The following SUGP2 variants were observed in gnomAD, a reference collection of about 807,000 sequenced individuals.
SUGP2 encodes the protein SURP and G-patch domain-containing protein 2.
A neutral mutation model predicts 90.5 loss-of-function variants in SUGP2; 24 were observed. That is an observed-to-expected ratio of 0.27 (90% CI 0.19 to 0.37). SUGP2 has a LOEUF of 0.37. SUGP2 is among the 10% of genes least tolerant of loss of function. SUGP2 has a pLI of 1.00. For synonymous variants in SUGP2, 473 were observed against 513.4 expected, an observed-to-expected ratio of 0.92 and a Z score of 1.06; for missense variants, 1,233 against 1,363.3, an observed-to-expected ratio of 0.90 and a Z score of 1.51.
chr19:19,019,068 T>A, intron 4 of SUGP2, 41 bp downstream of exon 4: 1 of 1,595,842 alleles, frequency 6.3e-7, no homozygotes, highest in Admixed American at 1.7e-5. Context: ...TGCCATATAC[T>A]CCATGAGAGG....
At chr19:19,031,533 C>CA (rs912857757) in intron 1 of SUGP2, among the ~76,000 whole-genome samples, 1,984 of 71,708 alleles carry the variant, frequency 0.028, 37 homozygotes, top group African/African-American at 0.064. Context: ...GACTCCGTCT[C>CA]AAAAAAAAAA....
Position 19,025,052 on chromosome 19 carries a change from A to G in SUGP2, c.1296T>C (p.Leu432=), listed in dbSNP as rs1296480908. The change falls in exon 3 of 11, where the codon CTT becomes CTC. Residue 432 remains leucine, a synonymous_variant. Coordinates refer to ENST00000452918, the MANE Select transcript of SUGP2 (RefSeq NM_001017392.5). The part of the protein sequence containing the change: ...IKPFDKYIMR[L]QDRLLKSVTP... ...TGACACTCTTCAGAAGCCGGTCTTGAAGTCTCATTATGTACTTGTCAAAAG... is the reference window on the plus strand; with the variant it reads ...TGACACTCTTCAGAAGCCGGTCTTGGAGTCTCATTATGTACTTGTCAAAAG... 6.2e-7 allele frequency: 1 copy of G among 1,614,232 alleles called. No individual in the cohort carries two copies. Among genetic ancestry groups the G allele is most frequent in the Non-Finnish European group, 8.5e-7 (1 of 1,180,044 alleles).
rs943855813 is a variant in SUGP2, at chr19:19,009,496, G to A, written c.2338+359C>T. On this transcript the variant is annotated intron_variant, in intron 5 of 10. Coordinates refer to ENST00000452918, the MANE Select transcript of SUGP2 (RefSeq NM_001017392.5). Reference sequence around the variant, plus strand: ...GATGAGGAGGCGCAATGAGAACAAGGCAGTCCCGAAGACTATCAAGGGAGG... The same window carrying A: ...GATGAGGAGGCGCAATGAGAACAAGACAGTCCCGAAGACTATCAAGGGAGG... 1.3e-4 allele frequency among the ~76,000 whole-genome samples: 20 copies of A among 152,060 alleles called. 1 individual carries two copies.
chr19:18,995,087 T>G (rs780322610), intron 9 of SUGP2, 57 bp downstream of exon 9: 2 of 1,589,166 alleles, frequency 1.3e-6, no homozygotes, highest in Admixed American at 1.7e-5. Flanking sequence ...AGCGGCAGGC[T>G]GCAGGTGGAA....
In SUGP2 at chr19:18,994,413, G is replaced by A. The variant is rs768673986; in HGVS notation, c.3202C>T (p.Arg1068Ter). The A allele has an allele frequency of 1.2e-6, 2 of 1,614,168 alleles. No homozygotes were observed. The highest frequency in any genetic ancestry group is 1.7e-5 in the Admixed American group (1 of 60,018). ...EHKEDTFDVF[R>*]QRMMQMYRHK... ...CTGTACATCTGCATCATCCTCTGTC[G>A]GAACACATCGAATGTGTCTTCTTTG... Residue 1068 changes from arginine to a stop codon, truncating the protein, a stop_gained, in exon 10 of 11, where the codon CGA (arginine) becomes TGA (stop). Coordinates refer to ENST00000452918, the MANE Select transcript of SUGP2 (RefSeq NM_001017392.5). LOFTEE classifies it high-confidence loss of function.
At chr19:19,010,427 A>C (rs576656667) in intron 4 of SUGP2, 85 bp from the exon 5 acceptor site, 1 of 1,522,592 alleles carries the variant, frequency 6.6e-7, no homozygotes, top group South Asian at 1.2e-5. Context: ...ACCCTTTCTA[A>C]GTGGCCAACT....
chr19:19,013,137 G>T (rs1051703282), intron 4 of SUGP2, among the ~76,000 whole-genome samples: 1 of 152,154 alleles, frequency 6.6e-6, no homozygotes, highest in African/African-American at 2.4e-5. Flanking sequence ...AAAGTGCTGG[G>T]ATTACAGGCA....
intron 8 of SUGP2, among the ~76,000 whole-genome samples, chr19:18,997,761 C>A (rs1411218295): frequency 8.0e-6 from 1 of 124,390 alleles, no homozygotes; most frequent in African/African-American, 3.1e-5. Context: ...CCAGCCTTGG[C>A]GACAAAGGGA....
Position 18,992,822 on chromosome 19 carries a change from A to G in SUGP2, c.*919T>C, listed in dbSNP as rs1310000577. The G allele has an allele frequency of 1.3e-5, 2 of 152,152 alleles. No individual in the cohort carries two copies. Among genetic ancestry groups the G allele is most frequent in the Non-Finnish European group, 2.9e-5 (2 of 68,046 alleles). 9.4% of individuals were successfully genotyped at this position (152,152 alleles called of 1,614,324 possible). ...CAACGATCCTGCTTCACAAGGAAGG[A>G]TGAGTGGAGAATTGAGTGGAGTTAC... On this transcript the variant is annotated 3_prime_UTR_variant, in exon 11 of 11. Transcript: ENST00000452918.
rs1234969629 is a variant in SUGP2, at chr19:19,024,811, C to A, written c.1537G>T (p.Ala513Ser). ...GLQDIAPSPA[A>S]FPNFEDSTLF... ...GTGGAGTCTTCGAAGTTTGGAAACGCAGCAGGTGAGGGAGCTATATCTTGC... is the reference window on the plus strand; with the variant it reads ...GTGGAGTCTTCGAAGTTTGGAAACGAAGCAGGTGAGGGAGCTATATCTTGC... The change falls in exon 3 of 11, where the codon GCG becomes TCG. Residue 513 changes from alanine (A) to serine (S), a missense_variant. Ala to Ser is a moderately conservative substitution (Grantham distance 99). Around this residue, in one of 8 missense-constraint regions of SUGP2, gnomAD observed 540 missense variants for 542.6 expected, o/e 1.00. Transcript: ENST00000452918. 1 of 1,614,208 alleles carries A rather than the reference C, an allele frequency of 6.2e-7. No homozygotes were observed. The highest frequency in any genetic ancestry group is 8.5e-7 in the Non-Finnish European group (1 of 1,180,040).
rs1340515446 is a variant in SUGP2, at chr19:18,992,059, T to C, written c.*1682A>G. The C allele has an allele frequency of 6.7e-6, 1 of 148,694 alleles. No homozygotes were observed. The highest frequency in any genetic ancestry group is 1.5e-5 in the Non-Finnish European group (1 of 66,816). 9.2% of individuals were successfully genotyped at this position (148,694 alleles called of 1,614,324 possible). On this transcript the variant is annotated 3_prime_UTR_variant, in exon 11 of 11. Coordinates refer to ENST00000452918, the MANE Select transcript of SUGP2 (RefSeq NM_001017392.5). ...GGCTTAAAGAAAGCCAGGATTTCCTTTTTTTTTTTTGAGACAGAGTCTCGC... is the reference window on the plus strand; with the variant it reads ...GGCTTAAAGAAAGCCAGGATTTCCTCTTTTTTTTTTGAGACAGAGTCTCGC...
chr19:19,004,096 C>G, intron 7 of SUGP2, 72 bp downstream of exon 7: 1 of 1,189,630 alleles, frequency 8.4e-7, no homozygotes, highest in Non-Finnish European at 1.2e-6. Context: ...CTCCACCTGT[C>G]TCTTCTAACT....
intron 5 of SUGP2, 73 bp downstream of exon 5, chr19:19,009,782 A>C: frequency 2.0e-6 from 3 of 1,515,980 alleles, no homozygotes; most frequent in African/African-American, 1.4e-5. Context: ...GGCCCCCCCA[A>C]TTCTAAAGAG....
chr19:19,009,994 A>C lies in SUGP2; in HGVS notation c.2199T>G (p.Ala733=). 1.9e-6 allele frequency: 3 copies of C among 1,614,112 alleles called. No homozygotes were observed. Among genetic ancestry groups the C allele is most frequent in the Non-Finnish European group, 2.5e-6 (3 of 1,180,028 alleles). Reference sequence around the variant, plus strand: ...CTGGGTCTGGCGGGCAGTCCTTGGCAGCATCATTTCTGTCTGGCAGGGATG... The same window carrying C: ...CTGGGTCTGGCGGGCAGTCCTTGGCCGCATCATTTCTGTCTGGCAGGGATG... The part of the protein sequence containing the change: ...AKPSLPDRND[A]AKDCPPDPVG... The change falls in exon 5 of 11, where the codon GCT becomes GCG. Residue 733 remains alanine (A), a synonymous_variant. Transcript: ENST00000452918.
chr19:19,016,444 C>G (rs1287640656), intron 4 of SUGP2, among the ~76,000 whole-genome samples: 2 of 152,194 alleles, frequency 1.3e-5, no homozygotes, highest in African/African-American at 4.8e-5. Flanking sequence ...GCAGAGGCAC[C>G]AGCCCCCAGG....
In SUGP2 at chr19:19,004,528, T is replaced by C. The variant is rs139157473; in HGVS notation, c.2569A>G (p.Thr857Ala). Reference sequence around the variant, plus strand: ...ACGGGGCTCTCCTGAGAACCCGTGGTGTCACCACCACCAGTGTGAAGGTTG... The same window carrying C: ...ACGGGGCTCTCCTGAGAACCCGTGGCGTCACCACCACCAGTGTGAAGGTTG... ...PHNLHTGGGD[T>A]TGSQESPVDL... is the part of the protein sequence containing the mutation. Residue 857 changes from threonine to alanine, a missense_variant, in exon 7 of 11, where the codon ACC becomes GCC. Physicochemically the swap from Thr to Ala is moderately conservative, Grantham distance 58 (BLOSUM62 0). Around this residue, in one of 8 missense-constraint regions of SUGP2, gnomAD observed 540 missense variants for 542.6 expected, o/e 1.00. Transcript: ENST00000452918. The C allele has an allele frequency of 6.7e-5, 108 of 1,614,228 alleles. 1 individual carries two copies. In the African/African-American group the frequency reaches 1.3e-3, roughly 19 times the overall value.
At chr19:19,004,086 C>G in intron 7 of SUGP2, 82 bp downstream of exon 7, 4 of 1,091,654 alleles carry the variant, frequency 3.7e-6, no homozygotes, top group Non-Finnish European at 5.3e-6. Flanking sequence ...ATTAAAATGT[C>G]TCCACCTGTC....
At position 19,025,584 on chromosome 19, in the gene SUGP2, A is replaced by G. The variant is rs1568455897; in HGVS notation, c.764T>C (p.Ile255Thr). 6.2e-7 allele frequency: 1 copy of G among 1,613,302 alleles called. No individual in the cohort carries two copies. The highest frequency in any genetic ancestry group is 8.5e-7 in the Non-Finnish European group (1 of 1,179,774). ...GGGAGTAATACGATTCACGGTGGGT[A>G]TTTTTTTTGTGCTCACATTTCTCAA... ...VTLRNVSTKK[I>T]PTVNRITPKT... Residue 255 changes from isoleucine to threonine, a missense_variant, in exon 3 of 11, where the codon ATA becomes ACA. Ile to Thr is a moderately conservative substitution (Grantham distance 89, BLOSUM62 -1). This residue lies in a region of SUGP2 where 418 missense variants were observed against 399.9 expected (regional missense o/e 1.05). Transcript: ENST00000452918.
rs112045506 is a variant in SUGP2 at position 19,019,239 on chromosome 19, A to G, written c.1730-10T>C. On this transcript the variant is annotated splice_polypyrimidine_tract_variant and intron_variant, in intron 3 of 10. Transcript: ENST00000452918. Reference sequence around the variant, plus strand: ...GCTCGCTGGGGGACAGCTGGAACACACAGAACAGCTTCTCTGAGAAATATG... The same window carrying G: ...GCTCGCTGGGGGACAGCTGGAACACGCAGAACAGCTTCTCTGAGAAATATG... The G allele has an allele frequency of 1.2e-6, 2 of 1,608,718 alleles. No homozygotes were observed. The highest frequency in any genetic ancestry group is 1.7e-6 in the Non-Finnish European group (2 of 1,175,720).
Sources: allele counts gnomAD v4.1 joint callset (sites outside exome capture counted in the v4.1 genomes callset), GRCh38; gene constraint gnomAD v4.1.1; regional missense constraint gnomAD v4.1.1; transcripts MANE v1.5; gene names NCBI Gene and HGNC (gene_info 2026-07-23, HGNC 2026-07-21).